Variants in CDH13 observed in about 807,000 individuals in gnomAD.
The protein encoded by CDH13 is cadherin 13.
In CDH13, 24 loss-of-function variants were observed where a neutral mutation model predicts 63.8. The observed-to-expected ratio is 0.38, with a 90% confidence interval of 0.27 to 0.53. The LOEUF (loss-of-function observed/expected upper bound fraction) is 0.53. Among genes scored for constraint, CDH13 ranks in the 20% least tolerant of loss-of-function variants. CDH13 has a pLI of 0.85. For missense variants in CDH13, 1,049 were observed against 903.1 expected, an observed-to-expected ratio of 1.16 and a Z score of -2.07; for synonymous variants, 503 against 355.3, an observed-to-expected ratio of 1.42 and a Z score of -4.67.
At chr16:83,628,607 T>C (rs1394802220) in intron 8 of CDH13, among the ~76,000 whole-genome samples, 2 of 152,170 alleles carry the variant, frequency 1.3e-5, no homozygotes, top group African/African-American at 4.8e-5. Context: ...AACCACAAGC[T>C]CTTCCCAGTC....
intron 8 of CDH13, among the ~76,000 whole-genome samples, chr16:83,625,454 A>G (rs955417658): frequency 2.6e-4 from 39 of 152,020 alleles, no homozygotes; most frequent in Non-Finnish European, 1.5e-5. Context: ...CTCCTTCCAC[A>G]TGCTACTGAC....
intron 2 of CDH13, among the ~76,000 whole-genome samples, chr16:82,879,671 C>T (rs2040625446): frequency 1.5e-5 from 2 of 136,936 alleles, no homozygotes; most frequent in Non-Finnish European, 1.5e-5. Flanking sequence ...ATATATTTTA[C>T]ATAAATTATA....
chr16:82,757,369 T>C (rs912243326), intron 1 of CDH13, among the ~76,000 whole-genome samples: 6 of 147,776 alleles, frequency 4.1e-5, no homozygotes, highest in African/African-American at 1.2e-4. Context: ...CAAAGGCCCT[T>C]GTCTTGAGCT....
At chr16:82,819,149 T>A (rs1453895090) in intron 1 of CDH13, among the ~76,000 whole-genome samples, 1 of 152,202 alleles carries the variant, frequency 6.6e-6, no homozygotes, top group Non-Finnish European at 1.5e-5. Context: ...TTGTTTAGAG[T>A]GTTTTTATTG....
intron 7 of CDH13, among the ~76,000 whole-genome samples, chr16:83,597,115 T>A (rs1907337039): frequency 1.3e-5 from 2 of 152,008 alleles, no homozygotes. Context: ...CTTAGCTACT[T>A]GGGGTGCTAA....
intron 11 of CDH13, among the ~76,000 whole-genome samples, chr16:83,775,668 C>G (rs866681300): frequency 2.0e-5 from 3 of 151,584 alleles, no homozygotes; most frequent in African/African-American, 4.9e-5. Flanking sequence ...GAGCCAAGAT[C>G]GTGCCACACT....
At chr16:83,576,197 C>A (rs1289482503) in intron 7 of CDH13, among the ~76,000 whole-genome samples, 1 of 152,200 alleles carries the variant, frequency 6.6e-6, no homozygotes, top group South Asian at 2.1e-4. Flanking sequence ...CTAAAAACAA[C>A]CTCCTTTCTG....
At chr16:83,221,804 A>G (rs1466106735) in intron 5 of CDH13, among the ~76,000 whole-genome samples, 1 of 152,080 alleles carries the variant, frequency 6.6e-6, no homozygotes, top group African/African-American at 2.4e-5. Flanking sequence ...ATAACTGGGA[A>G]TGTCAGAGCT....
chr16:83,341,525 A>C (rs983560765), intron 5 of CDH13, among the ~76,000 whole-genome samples: 18 of 152,180 alleles, frequency 1.2e-4, no homozygotes, highest in African/African-American at 4.3e-4. Flanking sequence ...TGATTTTAAA[A>C]CTGGATGAAC....
chr16:83,105,158 G>A (rs993944015), intron 3 of CDH13, among the ~76,000 whole-genome samples: 1 of 152,154 alleles, frequency 6.6e-6, no homozygotes, highest in Non-Finnish European at 1.5e-5. Context: ...GAGGAGGATC[G>A]ATTTCACCCT....
At chr16:83,341,989 CCACACACACACACA>C (rs756844839) in intron 5 of CDH13, among the ~76,000 whole-genome samples, 56 of 138,152 alleles carry the variant, frequency 4.1e-4, no homozygotes, top group African/African-American at 1.1e-3. Context: ...GTGTCCCCTG[CCACACACACACACA>C]CACACACACA....
intron 7 of CDH13, among the ~76,000 whole-genome samples, chr16:83,527,619 C>G (rs1015853671): frequency 6.6e-6 from 1 of 152,168 alleles, no homozygotes; most frequent in Non-Finnish European, 1.5e-5. Context: ...CCAGGGCAAC[C>G]TGAGTCTGCT....
intron 1 of CDH13, among the ~76,000 whole-genome samples, chr16:82,757,517 C>A (rs563629194): frequency 2.6e-5 from 4 of 152,318 alleles, no homozygotes; most frequent in African/African-American, 9.6e-5. Flanking sequence ...CTGCTCTGCC[C>A]AGAGGGCTTC....
chr16:83,576,657 C>T (rs538012596), intron 7 of CDH13, among the ~76,000 whole-genome samples: 1 of 152,182 alleles, frequency 6.6e-6, no homozygotes, highest in Non-Finnish European at 1.5e-5. Context: ...CACATCCCTC[C>T]CAGCCCTTGC....
At chr16:83,322,875 G>T (rs903937363) in intron 5 of CDH13, among the ~76,000 whole-genome samples, 2 of 151,762 alleles carry the variant, frequency 1.3e-5, no homozygotes, top group African/African-American at 2.4e-5. Flanking sequence ...ACCACCTTCT[G>T]ATTTTTTAGA....
intron 1 of CDH13, among the ~76,000 whole-genome samples, chr16:82,628,402 C>G (rs562167290): frequency 1.1e-3 from 167 of 152,060 alleles, no homozygotes; most frequent in Non-Finnish European, 2.0e-3. Context: ...GTTGGGTTCC[C>G]AGGTAGGGAC....
intron 2 of CDH13, among the ~76,000 whole-genome samples, chr16:82,950,080 G>T (rs1219664028): frequency 6.6e-6 from 1 of 152,096 alleles, no homozygotes; most frequent in Admixed American, 6.6e-5. Context: ...CCACAAACTG[G>T]GTGGCTTAAA....
chr16:83,539,181 G>C (rs1352641228), intron 7 of CDH13, among the ~76,000 whole-genome samples: 1 of 152,052 alleles, frequency 6.6e-6, no homozygotes, highest in African/African-American at 2.4e-5. Context: ...TTTTTCTGTG[G>C]GCAAGGGTGG....
At chr16:83,309,809 A>ATT (rs60865903) in intron 5 of CDH13, among the ~76,000 whole-genome samples, 6 of 144,956 alleles carry the variant, frequency 4.1e-5, no homozygotes, top group African/African-American at 1.3e-4. Context: ...CTCCCATGGG[A>ATT]TTTTTTTTTT....
Sources: allele counts gnomAD v4.1 joint callset (sites outside exome capture counted in the v4.1 genomes callset), GRCh38; gene constraint gnomAD v4.1.1; transcripts MANE v1.5; gene names NCBI Gene and HGNC (gene_info 2026-07-23, HGNC 2026-07-21).